Variants in MYO1E observed in about 807,000 individuals in gnomAD.
MYO1E encodes the protein unconventional myosin-Ie.
Under a neutral mutation model 151.1 loss-of-function variants are expected in MYO1E, and 68 were observed. The observed-to-expected ratio is 0.45, with a 90% CI of 0.37 to 0.55. MYO1E has a LOEUF of 0.55. MYO1E is among the 20% of genes least tolerant of loss of function. MYO1E has a pLI of 0.00. For synonymous variants in MYO1E, 601 were observed against 501.7 expected (o/e 1.20, Z -2.64); for missense variants, 1,363 against 1,389.3 (o/e 0.98, Z 0.30).
chr15:59,277,159 G>C (rs1453702823), intron 1 of MYO1E, among the ~76,000 whole-genome samples: 1 of 152,196 alleles, frequency 6.6e-6, no homozygotes, highest in African/African-American at 2.4e-5. Context: ...TCTACAAAGA[G>C]TAAACTGCAC....
chr15:59,186,160 T>TA (rs2079696228), intron 18 of MYO1E, among the ~76,000 whole-genome samples: 1 of 152,146 alleles, frequency 6.6e-6, no homozygotes, highest in Admixed American at 6.6e-5. Flanking sequence ...ACAAAGAGGG[T>TA]AAACCTTGTT....
intron 6 of MYO1E, 115 bp from the exon 7 acceptor site, chr15:59,227,705 G>T: frequency 2.2e-6 from 3 of 1,374,298 alleles, no homozygotes; most frequent in Non-Finnish European, 3.1e-6. Flanking sequence ...TACACATTCT[G>T]AATTACTCCT....
At chr15:59,347,270 C>A (rs35049953) in intron 1 of MYO1E, among the ~76,000 whole-genome samples, 1 of 152,072 alleles carries the variant, frequency 6.6e-6, no homozygotes, top group South Asian at 2.1e-4. Flanking sequence ...ATCCAGGCTG[C>A]GCGCTTCTAA....
At chr15:59,294,063 G>C (rs529972553) in intron 1 of MYO1E, among the ~76,000 whole-genome samples, 1 of 152,292 alleles carries the variant, frequency 6.6e-6, no homozygotes, top group African/African-American at 2.4e-5. Flanking sequence ...AATAACAACA[G>C]AAACCCTGAC....
At chr15:59,188,372 A>G (rs972930934) in intron 17 of MYO1E, among the ~76,000 whole-genome samples, 156 bp from the exon 18 acceptor site, 1 of 152,186 alleles carries the variant, frequency 6.6e-6, no homozygotes, top group Non-Finnish European at 1.5e-5. Flanking sequence ...GACCTCTCAG[A>G]TGACATAATG....
At chr15:59,190,437 A>G (rs1247548076) in intron 17 of MYO1E, among the ~76,000 whole-genome samples, 1 of 152,236 alleles carries the variant, frequency 6.6e-6, no homozygotes, top group African/African-American at 2.4e-5. Flanking sequence ...CTGTCTTCCC[A>G]GTAAGGCTCT....
chr15:59,207,234 C>T (rs1490663542), intron 14 of MYO1E: 7 of 1,614,152 alleles, frequency 4.3e-6, no homozygotes, highest in Non-Finnish European at 5.9e-6. Flanking sequence ...ATGAACTTGC[C>T]CTTGTGGATC....
intron 1 of MYO1E, among the ~76,000 whole-genome samples, chr15:59,273,141 G>C (rs1190499088): frequency 6.6e-6 from 1 of 152,218 alleles, no homozygotes; most frequent in African/African-American, 2.4e-5. Context: ...AACATGCCCA[G>C]GAGGGGAAGG....
chr15:59,193,917 C>G (rs2079749809), intron 17 of MYO1E, among the ~76,000 whole-genome samples: 1 of 152,126 alleles, frequency 6.6e-6, no homozygotes, highest in South Asian at 2.1e-4. Context: ...TGGCTCACAC[C>G]TGTAATCCCA....
At chr15:59,353,606 A>G (rs2080837126) in intron 1 of MYO1E, among the ~76,000 whole-genome samples, 1 of 149,682 alleles carries the variant, frequency 6.7e-6, no homozygotes, top group Non-Finnish European at 1.5e-5. Flanking sequence ...AAATACAAAA[A>G]AATAGCCGGG....
In MYO1E at chr15:59,202,396, T is replaced by C; in HGVS notation, c.1628A>G (p.Lys543Arg). The stretch of plus-strand genomic sequence containing the variant: ...CTGCAGATTTTCCGGAAATAAAGAC[T>C]TTATGAAAGGCCTGGAAAAGGAGAA... ...LMQSSELPFIKSLFPENLQAD... is the reference protein window; with the variant it reads ...LMQSSELPFIRSLFPENLQAD... Residue 543 changes from lysine (K) to arginine (R), a missense_variant, in exon 16 of 28, where the codon AAG becomes AGG. Transcript: ENST00000288235. 1 of 1,613,910 alleles carries C rather than the reference T, an allele frequency of 6.2e-7. No individual in the cohort carries two copies. Among genetic ancestry groups the C allele is most frequent in the Admixed American group, 1.7e-5 (1 of 60,020 alleles).
At chr15:59,197,043 A>AG (rs2079771568) in intron 16 of MYO1E, among the ~76,000 whole-genome samples, 1 of 112,410 alleles carries the variant, frequency 8.9e-6, no homozygotes. Context: ...CCCAGGCTGG[A>AG]GTGCAGTGGC....
intron 16 of MYO1E, 132 bp from the exon 17 acceptor site, chr15:59,195,699 G>A: frequency 1.1e-6 from 1 of 914,862 alleles, no homozygotes; most frequent in Non-Finnish European, 1.8e-6. Context: ...TGCTCGTTAA[G>A]CATAACTCAG....
chr15:59,198,344 C>T (rs1291072766), intron 16 of MYO1E, among the ~76,000 whole-genome samples: 1 of 152,130 alleles, frequency 6.6e-6, no homozygotes, highest in African/African-American at 2.4e-5. Flanking sequence ...GGTGAAAGCT[C>T]CTCATTCTAC....
chr15:59,239,323 A>C (rs1457953547), intron 4 of MYO1E, among the ~76,000 whole-genome samples: 1 of 151,490 alleles, frequency 6.6e-6, no homozygotes, highest in African/African-American at 2.4e-5. Context: ...ACCACTGATC[A>C]ATTTCATTAC....
chr15:59,229,714 C>T (rs192946626), intron 6 of MYO1E, among the ~76,000 whole-genome samples: 9 of 152,084 alleles, frequency 5.9e-5, no homozygotes, highest in Admixed American at 5.2e-4. Flanking sequence ...TAAATATATA[C>T]ATTCTTATGC....
rs1238917497 is a variant in MYO1E at position 59,228,359 on chromosome 15, T to C, written c.511-769A>G. ...TTAGCTGGGCATGGTGGCGGGTGCC[T>C]GCAGTCCCAGCGAGGCAGGAGAATC... On this transcript the variant is annotated intron_variant, in intron 6 of 27. Coordinates refer to ENST00000288235, the MANE Select transcript of MYO1E (RefSeq NM_004998.4). Among the ~76,000 whole-genome samples the C allele has an allele frequency of 2.0e-5, 3 of 152,052 alleles. 1 individual carries two copies. The highest frequency in any genetic ancestry group is 7.2e-5 in the African/African-American group (3 of 41,486).
chr15:59,149,345 C>T (rs1029712454), intron 26 of MYO1E, among the ~76,000 whole-genome samples: 8 of 152,082 alleles, frequency 5.3e-5, no homozygotes, highest in East Asian at 1.9e-4. Flanking sequence ...CGTGAGCCAC[C>T]GCGCCCGGCC....
chr15:59,134,487 T>A lies in MYO1E; in HGVS notation c.*2893A>T, dbSNP rs1423210186. On this transcript the variant is annotated 3_prime_UTR_variant, in exon 28 of 28. Coordinates refer to ENST00000288235, the MANE Select transcript of MYO1E (RefSeq NM_004998.4). ...GGAGGATCGTTTGATCCCAGGAGTT[T>A]CAGATCAGCCTCTCTCTGTCTCACA... The A allele has an allele frequency of 1.3e-5, 2 of 152,216 alleles. No individual in the cohort carries two copies. Among genetic ancestry groups the A allele is most frequent in the African/African-American group, 4.8e-5 (2 of 41,420 alleles). The allele number at this position is 152,216 out of a possible 1,614,324, so 9.4% of individuals were successfully genotyped here.
Sources: allele counts gnomAD v4.1 joint callset (sites outside exome capture counted in the v4.1 genomes callset), GRCh38; gene constraint gnomAD v4.1.1; transcripts MANE v1.5; gene names NCBI Gene and HGNC (gene_info 2026-07-23, HGNC 2026-07-21).